Variants in PPP4R4 observed in about 807,000 individuals in gnomAD.
The protein encoded by PPP4R4 is protein phosphatase 4 regulatory subunit 4, also known as serine/threonine-protein phosphatase 4 regulatory subunit 4.
In PPP4R4, 70 loss-of-function variants were observed where a neutral mutation model predicts 121.8. The observed-to-expected ratio is 0.57, with a 90% CI of 0.47 to 0.70. PPP4R4 has a LOEUF of 0.70. Ranked by LOEUF, PPP4R4 falls within the 30% of genes least tolerant of loss-of-function variation. The pLI is 0.00. For missense variants in PPP4R4, 875 were observed against 1,033.6 expected, an observed-to-expected ratio of 0.85 and a Z score of 2.10; for synonymous variants, 348 against 355.7, an observed-to-expected ratio of 0.98 and a Z score of 0.24.
chr14:94,213,008 T>C (rs1192477047), intron 3 of PPP4R4, among the ~76,000 whole-genome samples: 1 of 152,148 alleles, frequency 6.6e-6, no homozygotes, highest in Admixed American at 6.5e-5. Flanking sequence ...CAGATAAAAA[T>C]AATGTAGCCA....
chr14:94,224,075 G>A (rs1440069681), intron 3 of PPP4R4, among the ~76,000 whole-genome samples: 1 of 152,106 alleles, frequency 6.6e-6, no homozygotes, highest in African/African-American at 2.4e-5. Context: ...ATAATTAGAT[G>A]AAGGGCAAGA....
Position 94,178,508 on chromosome 14 carries a change from T to C in PPP4R4, c.191+2381T>C, listed in dbSNP as rs1224307507. 3.3e-5 allele frequency among the ~76,000 whole-genome samples: 5 copies of C among 151,942 alleles called. No individual in the cohort carries two copies. The East Asian group carries it at 9.6e-4, about 29-fold the overall frequency. On this transcript the variant is annotated intron_variant, in intron 2 of 24. Transcript: ENST00000304338. ...GCAATGCTTTATATTAGTGGGGTTC[T>C]GATAGCATTTAGATTGAATCCAGTA...
intron 3 of PPP4R4, among the ~76,000 whole-genome samples, chr14:94,225,177 G>T (rs1312199459): frequency 1.3e-5 from 2 of 152,104 alleles, no homozygotes; most frequent in Non-Finnish European, 2.9e-5. Flanking sequence ...GGCAGACGAG[G>T]TAACTCTAAT....
At position 94,251,796 on chromosome 14, in the gene PPP4R4, A is replaced by G. The variant is rs1463976185; in HGVS notation, c.1765A>G (p.Thr589Ala). ...SYWNRLRFLD[T>A]CEFIIEIFSK... The stretch of plus-strand genomic sequence containing the variant: ...CTGGAATAGACTTCGATTTTTGGAT[A>G]CCTGTGAATTTATTATAGAGATATT... The change falls in exon 16 of 25, where the codon ACC becomes GCC. Residue 589 changes from threonine to alanine, a missense_variant. Thr to Ala is a moderately conservative substitution (Grantham distance 58). Coordinates refer to ENST00000304338, the MANE Select transcript of PPP4R4 (RefSeq NM_058237.2). 6 of 1,584,358 alleles carry G rather than the reference A, an allele frequency of 3.8e-6. No homozygotes were observed. In the South Asian group the frequency reaches 4.7e-5, roughly 12 times the overall value.
chr14:94,260,109 C>G (rs987680680), intron 19 of PPP4R4, among the ~76,000 whole-genome samples: 1 of 151,944 alleles, frequency 6.6e-6, no homozygotes, highest in African/African-American at 2.4e-5. Flanking sequence ...GCATGCTTAA[C>G]TTAAAAATAA....
At chr14:94,248,334 A>G (rs1331431807) in intron 14 of PPP4R4, among the ~76,000 whole-genome samples, 1 of 152,206 alleles carries the variant, frequency 6.6e-6, no homozygotes, top group Non-Finnish European at 1.5e-5. Context: ...AAAAATATCC[A>G]GTAACACATC....
At position 94,258,178 on chromosome 14, in the gene PPP4R4, G is replaced by A. The variant is rs548274589; in HGVS notation, c.2011-605G>A. On this transcript the variant is annotated intron_variant, in intron 17 of 24. Coordinates refer to ENST00000304338, the MANE Select transcript of PPP4R4 (RefSeq NM_058237.2). ...GCTTTGGGCATATGCATATCCAAAT[G>A]TACTTTATTTTGGCCATTAGGGTTA... 8.9e-4 allele frequency among the ~76,000 whole-genome samples: 136 copies of A among 152,224 alleles called. 2 individuals carry two copies. The highest frequency in any genetic ancestry group is 4.3e-3 in the South Asian group (21 of 4,828).
intron 19 of PPP4R4, among the ~76,000 whole-genome samples, chr14:94,259,889 G>A (rs1225219308): frequency 6.6e-6 from 1 of 152,120 alleles, no homozygotes; most frequent in Non-Finnish European, 1.5e-5. Flanking sequence ...GCATCAAGAA[G>A]CCATTCCTTT....
At position 94,225,118 on chromosome 14, in the gene PPP4R4, A is replaced by G. The variant is rs1891624694; in HGVS notation, c.295-5469A>G. Among the ~76,000 whole-genome samples, 3 of 152,178 alleles carry G rather than the reference A, an allele frequency of 2.0e-5. No homozygotes were observed. The South Asian group carries it at 6.2e-4, about 31-fold the overall frequency. On this transcript the variant is annotated intron_variant, in intron 3 of 24. Transcript: ENST00000304338. ...TTGGGGTTAATCTCATTCTAAGATT[A>G]AATCAAGAAGGAATAATAACAGGAA...
At chr14:94,230,884 A>G (rs558576281) in intron 4 of PPP4R4, 150 bp downstream of exon 4, 12 of 884,890 alleles carry the variant, frequency 1.4e-5, no homozygotes, top group Non-Finnish European at 1.8e-5. Context: ...TAAAATAGCT[A>G]TGGCTGTCTT....
Position 94,230,800 on chromosome 14 carries a change from A to T in PPP4R4, c.442+66A>T, listed in dbSNP as rs904548818. Reference sequence around the variant, plus strand: ...TTTTTTTGTGTATGGCCATGATATTATATAAATACTGTTAGCCTGATGAGG... The same window carrying T: ...TTTTTTTGTGTATGGCCATGATATTTTATAAATACTGTTAGCCTGATGAGG... On this transcript the variant is annotated intron_variant, in intron 4 of 24. Transcript: ENST00000304338. 4 of 1,478,426 alleles carry T rather than the reference A, an allele frequency of 2.7e-6. No individual in the cohort carries two copies. The Admixed American group carries it at 5.9e-5, about 22-fold the overall frequency. The allele number at this position is 1,478,426 out of a possible 1,614,324, so 91.6% of individuals were successfully genotyped here. A position where few individuals can be genotyped will look rare whatever the true frequency, so the allele number is the denominator to read the frequency against.
At chr14:94,174,817 A>G (rs538479730) in intron 1 of PPP4R4, among the ~76,000 whole-genome samples, 113 of 151,582 alleles carry the variant, frequency 7.5e-4, no homozygotes, top group African/African-American at 2.7e-3. Flanking sequence ...CCCATCCCCA[A>G]GGGACGGGTC....
At chr14:94,189,505 G>C (rs1455304634) in intron 2 of PPP4R4, among the ~76,000 whole-genome samples, 1 of 152,160 alleles carries the variant, frequency 6.6e-6, no homozygotes, top group Non-Finnish European at 1.5e-5. Context: ...ACAGACAGGA[G>C]CCACTGTATA....
chr14:94,277,894 G>A (rs574079633), intron 24 of PPP4R4, among the ~76,000 whole-genome samples: 11 of 152,156 alleles, frequency 7.2e-5, no homozygotes, highest in East Asian at 1.9e-4. Context: ...AAGGAGGGAC[G>A]TTGATATCCA....
At chr14:94,276,804 A>G (rs1179865693) in intron 24 of PPP4R4, among the ~76,000 whole-genome samples, 2 of 152,202 alleles carry the variant, frequency 1.3e-5, no homozygotes, top group African/African-American at 4.8e-5. Context: ...AAATTTAGAA[A>G]TAAGTTTAGA....
intron 2 of PPP4R4, among the ~76,000 whole-genome samples, chr14:94,177,887 G>T (rs959708602): frequency 1.3e-5 from 2 of 152,212 alleles, no homozygotes; most frequent in Admixed American, 1.3e-4. Flanking sequence ...TTTTAAAAGA[G>T]ATTCAATATC....
At chr14:94,213,955 T>C (rs1218991193) in intron 3 of PPP4R4, among the ~76,000 whole-genome samples, 1 of 152,188 alleles carries the variant, frequency 6.6e-6, no homozygotes, top group African/African-American at 2.4e-5. Context: ...CCCCCTACCG[T>C]GTCCTTAAAT....
At chr14:94,221,426 G>A (rs1176958486) in intron 3 of PPP4R4, among the ~76,000 whole-genome samples, 1 of 152,024 alleles carries the variant, frequency 6.6e-6, no homozygotes, top group Non-Finnish European at 1.5e-5. Flanking sequence ...CAGAATGGGA[G>A]AAAATATTTG....
chr14:94,184,922 A>G (rs1889184692), intron 2 of PPP4R4, among the ~76,000 whole-genome samples: 1 of 152,222 alleles, frequency 6.6e-6, no homozygotes, highest in African/African-American at 2.4e-5. Context: ...GTTAAAACAT[A>G]TATCTGAGTA....
Sources: gnomAD v4.1 joint callset for allele counts (sites outside exome capture counted in the v4.1 genomes callset) on GRCh38, gnomAD v4.1.1 for gene constraint, MANE v1.5 for transcripts, NCBI Gene and HGNC (gene_info 2026-07-23, HGNC 2026-07-21) for gene names.